The following CNTN4 variants were observed in gnomAD, a reference collection of about 807,000 sequenced individuals.
The protein encoded by CNTN4 is contactin-4.
In CNTN4, 77 loss-of-function variants were observed where a neutral mutation model predicts 122.5. That is an observed-to-expected ratio of 0.63 (90% CI 0.52 to 0.76). The LOEUF (loss-of-function observed/expected upper bound fraction) is 0.76. CNTN4 is among the 30% of genes least tolerant of loss of function. CNTN4 has a pLI of 0.00. For missense variants in CNTN4, 1,256 were observed against 1,259.1 expected (o/e 1.00, Z 0.04); for synonymous variants, 512 against 447.0 (o/e 1.15, Z -1.83).
intron 2 of CNTN4, among the ~76,000 whole-genome samples, chr3:2,299,466 C>G (rs1453427800): frequency 6.6e-6 from 1 of 151,990 alleles, no homozygotes; most frequent in Non-Finnish European, 1.5e-5. Context: ...ATCCCATACC[C>G]CCACCCTCTT....
intron 6 of CNTN4, among the ~76,000 whole-genome samples, chr3:2,804,603 C>T (rs964395350): frequency 2.0e-5 from 3 of 152,164 alleles, no homozygotes; most frequent in Non-Finnish European, 4.4e-5. Context: ...CTACAAGTGG[C>T]TGAATTAGCT....
chr3:2,521,736 C>G (rs906443960), intron 3 of CNTN4, among the ~76,000 whole-genome samples: 7 of 152,062 alleles, frequency 4.6e-5, no homozygotes, highest in African/African-American at 1.7e-4. Context: ...TGACTTTTCT[C>G]TCCCTTCGGA....
Position 3,056,312 on chromosome 3 carries a change from C to G in CNTN4, c.*92C>G, listed in dbSNP as rs1701796853. The G allele has an allele frequency of 1.1e-6, 1 of 937,806 alleles. No individual in the cohort carries two copies. The highest frequency in any genetic ancestry group is 1.7e-6 in the Non-Finnish European group (1 of 574,516). 58.1% of individuals were successfully genotyped at this position (937,806 alleles called of 1,614,324 possible). On this transcript the variant is annotated 3_prime_UTR_variant, in exon 25 of 25. Coordinates refer to ENST00000418658, the MANE Select transcript of CNTN4 (RefSeq NM_175607.3). ...CCCAGTACTAAGTAATATTGTTGTT[C>G]AAGTACATCTTATTACTGGAATAAA...
At position 2,863,761 on chromosome 3, in the gene CNTN4, G is replaced by A. The variant is rs376008980; in HGVS notation, c.455-2991G>A. Among the ~76,000 whole-genome samples the A allele has an allele frequency of 1.5e-4, 21 of 144,730 alleles. 1 individual carries two copies. Among genetic ancestry groups the A allele is most frequent in the African/African-American group, 5.0e-4 (20 of 39,928 alleles). The allele number at this position is 144,730 out of a possible 152,430, so 94.9% of individuals were successfully genotyped here. ...TTAAACACTCTCTAAGGAGTTTCAA[G>A]GACATTGGCATGACAAAATCTCTTG... On this transcript the variant is annotated intron_variant, in intron 7 of 24. Coordinates refer to ENST00000418658, the MANE Select transcript of CNTN4 (RefSeq NM_175607.3).
intron 3 of CNTN4, among the ~76,000 whole-genome samples, chr3:2,470,222 A>G (rs1308025604): frequency 3.0e-4 from 46 of 152,188 alleles, no homozygotes; most frequent in Admixed American, 1.3e-3. Context: ...GATTACAGGC[A>G]CATGCCACCA....
intron 4 of CNTN4, among the ~76,000 whole-genome samples, chr3:2,669,228 T>C (rs2084353368): frequency 6.6e-6 from 1 of 152,214 alleles, no homozygotes; most frequent in Admixed American, 6.5e-5. Flanking sequence ...TCCTGGACTT[T>C]CTTTGGTTGG....
chr3:2,179,228 C>G (rs1201828363), intron 2 of CNTN4, among the ~76,000 whole-genome samples: 1 of 151,898 alleles, frequency 6.6e-6, no homozygotes, highest in Non-Finnish European at 1.5e-5. Flanking sequence ...TTATTAAGTG[C>G]TCATATGATT....
chr3:2,144,540 A>C (rs2035153311), intron 2 of CNTN4, among the ~76,000 whole-genome samples: 1 of 152,168 alleles, frequency 6.6e-6, no homozygotes. Flanking sequence ...ATGGGTGGCA[A>C]AGGATCATTG....
intron 13 of CNTN4, among the ~76,000 whole-genome samples, chr3:2,958,350 A>G (rs1032908249): frequency 3.3e-5 from 5 of 152,178 alleles, no homozygotes; most frequent in Admixed American, 1.3e-4. Flanking sequence ...AATCAAAATG[A>G]CCCAGGCAAG....
chr3:2,849,986 C>CTTT lies in CNTN4; in HGVS notation c.455-16760_455-16758dup, dbSNP rs746657018. On this transcript the variant is annotated intron_variant, in intron 7 of 24. Transcript: ENST00000418658. ...CCATTTTGGAAAATGTTAGCAATCA[C>CTTT]TTTTTTTTCTTTTTTTTTTCTGAGA... Among the ~76,000 whole-genome samples the CTTT allele has an allele frequency of 6.8e-4, 96 of 140,710 alleles. 5 individuals carry two copies. The highest frequency in any genetic ancestry group is 2.1e-3 in the East Asian group (10 of 4,668). 92.3% of individuals were successfully genotyped at this position (140,710 alleles called of 152,430 possible). A position where few individuals can be genotyped will look rare whatever the true frequency, so the allele number is the denominator to read the frequency against.
chr3:3,043,217 G>A, intron 22 of CNTN4, 54 bp downstream of exon 22: 1 of 1,451,930 alleles, frequency 6.9e-7, no homozygotes, highest in African/African-American at 1.4e-5. Context: ...CATATCCCAA[G>A]TTTATTCCTT....
chr3:2,747,881 T>C (rs1378538379), intron 6 of CNTN4, among the ~76,000 whole-genome samples: 1 of 152,226 alleles, frequency 6.6e-6, no homozygotes, highest in African/African-American at 2.4e-5. Context: ...ACTTGACATC[T>C]CTTTCTTAAA....
At chr3:3,019,667 T>C (rs1698095267) in intron 14 of CNTN4, among the ~76,000 whole-genome samples, 1 of 151,506 alleles carries the variant, frequency 6.6e-6, no homozygotes, top group South Asian at 2.1e-4. Context: ...CCACCATATA[T>C]ATATATGTGT....
At chr3:2,510,286 G>T (rs192751559) in intron 3 of CNTN4, among the ~76,000 whole-genome samples, 1 of 151,938 alleles carries the variant, frequency 6.6e-6, no homozygotes, top group Non-Finnish European at 1.5e-5. Flanking sequence ...CATTGTAAGC[G>T]TTCTCAGAGG....
chr3:2,735,971 TG>T (rs1237229683), intron 4 of CNTN4: 2 of 618,530 alleles, frequency 3.2e-6, no homozygotes, highest in Admixed American at 3.7e-5. Flanking sequence ...AGCCTGCGCC[TG>T]GAAGTTGTTA....
At chr3:2,978,056 G>A (rs1299830697) in intron 13 of CNTN4, among the ~76,000 whole-genome samples, 1 of 152,188 alleles carries the variant, frequency 6.6e-6, no homozygotes, top group Non-Finnish European at 1.5e-5. Flanking sequence ...CTCCCGCAGA[G>A]CCTCCAGCAG....
intron 3 of CNTN4, among the ~76,000 whole-genome samples, chr3:2,381,682 G>A (rs1191937999): frequency 1.3e-5 from 2 of 152,102 alleles, no homozygotes; most frequent in Non-Finnish European, 2.9e-5. Flanking sequence ...TAAAATATTT[G>A]TAAATGATGT....
intron 2 of CNTN4, among the ~76,000 whole-genome samples, chr3:2,222,864 A>G (rs1469606366): frequency 6.6e-6 from 1 of 152,172 alleles, no homozygotes; most frequent in Non-Finnish European, 1.5e-5. Flanking sequence ...AAACACTGGA[A>G]TTACCACCAT....
intron 4 of CNTN4, among the ~76,000 whole-genome samples, chr3:2,719,010 A>G (rs892624639): frequency 5.3e-5 from 8 of 152,188 alleles, no homozygotes; most frequent in Non-Finnish European, 1.0e-4. Flanking sequence ...AATTTAAAAA[A>G]TGATTAAGAA....
Sources: allele counts gnomAD v4.1 joint callset (sites outside exome capture counted in the v4.1 genomes callset), GRCh38; gene constraint gnomAD v4.1.1; transcripts MANE v1.5; gene names NCBI Gene and HGNC (gene_info 2026-07-23, HGNC 2026-07-21).